Variants in SYT16 observed in about 807,000 individuals in gnomAD.
SYT16 encodes synaptotagmin-16.
SYT16 carries 42 observed loss-of-function variants against 61.4 expected under a neutral mutation model. That is an observed-to-expected ratio of 0.68 (90% CI 0.53 to 0.89). The LOEUF (loss-of-function observed/expected upper bound fraction) is 0.89, where lower values mean the gene tolerates loss of function less well. Ranked by LOEUF, SYT16 falls within the 40% of genes least tolerant of loss-of-function variation. The pLI, the probability that SYT16 is intolerant of heterozygous loss-of-function variation, is 0.00. For synonymous variants in SYT16, 314 were observed against 302.3 expected, an observed-to-expected ratio of 1.04 and a Z score of -0.40; for missense variants, 804 against 807.3, an observed-to-expected ratio of 1.00 and a Z score of 0.05.
chr14:61,881,043 A>G (rs767464721), intron 1 of SYT16, among the ~76,000 whole-genome samples: 19 of 152,142 alleles, frequency 1.2e-4, no homozygotes, highest in Non-Finnish European at 2.5e-4. Context: ...ACAGAACATT[A>G]TTTGCATCCA....
chr14:61,925,587 A>T (rs1205316910), intron 1 of SYT16, among the ~76,000 whole-genome samples: 1 of 152,168 alleles, frequency 6.6e-6, no homozygotes, highest in Non-Finnish European at 1.5e-5. Flanking sequence ...CTTCTCTAAG[A>T]TTTTTAGAAA....
At chr14:62,071,700 G>T (rs1250291672) in intron 4 of SYT16, among the ~76,000 whole-genome samples, 1 of 152,106 alleles carries the variant, frequency 6.6e-6, no homozygotes, top group Non-Finnish European at 1.5e-5. Flanking sequence ...CTCCAGAGAG[G>T]AATTTTTTGG....
intron 1 of SYT16, among the ~76,000 whole-genome samples, chr14:61,866,596 T>C (rs2047162641): frequency 6.6e-6 from 1 of 152,144 alleles, no homozygotes; most frequent in Non-Finnish European, 1.5e-5. Flanking sequence ...TTCAAATCTT[T>C]TGTTCATTTA....
chr14:61,931,833 G>A (rs1405849815), intron 1 of SYT16, among the ~76,000 whole-genome samples: 2 of 152,020 alleles, frequency 1.3e-5, no homozygotes, highest in East Asian at 1.9e-4. Flanking sequence ...CATGTGCCAC[G>A]TTGGTGTGCT....
intron 2 of SYT16, among the ~76,000 whole-genome samples, chr14:61,992,644 TG>T (rs1396327876): frequency 7.2e-5 from 11 of 152,242 alleles, no homozygotes; most frequent in African/African-American, 2.6e-4. Flanking sequence ...TTATTATTAT[TG>T]TTTTTTTGAG....
intron 3 of SYT16, among the ~76,000 whole-genome samples, chr14:62,048,045 G>A (rs2055078429): frequency 1.3e-5 from 2 of 152,226 alleles, no homozygotes; most frequent in African/African-American, 4.8e-5. Context: ...AGTTTCAGAA[G>A]GAATGGTACC....
chr14:61,875,254 A>G (rs56222412), intron 1 of SYT16, among the ~76,000 whole-genome samples: 3,757 of 152,236 alleles, frequency 0.025, 158 homozygotes, highest in African/African-American at 0.081. Context: ...GAATATTCTT[A>G]TACAAAAAGG....
At chr14:61,818,677 C>CAA (rs61559295) in intron 1 of SYT16, among the ~76,000 whole-genome samples, 1,044 of 74,288 alleles carry the variant, frequency 0.014, 8 homozygotes, top group Middle Eastern at 0.062. Context: ...GACTCTGTCT[C>CAA]AAAAAAAAAA....
At chr14:62,003,452 A>G (rs925144999) in intron 3 of SYT16, among the ~76,000 whole-genome samples, 2 of 151,820 alleles carry the variant, frequency 1.3e-5, no homozygotes, top group African/African-American at 4.8e-5. Context: ...GTATGAATCT[A>G]GTATCTGCCC....
intron 1 of SYT16, among the ~76,000 whole-genome samples, chr14:61,878,899 C>A (rs188255070): frequency 6.6e-6 from 1 of 151,932 alleles, no homozygotes; most frequent in Non-Finnish European, 1.5e-5. Flanking sequence ...GCATTCTAGG[C>A]GCTATTAGGG....
intron 3 of SYT16, among the ~76,000 whole-genome samples, chr14:62,020,563 C>T (rs185998865): frequency 9.8e-5 from 15 of 152,288 alleles, no homozygotes; most frequent in East Asian, 1.9e-4. Flanking sequence ...CAAAAGGTAA[C>T]GGAGATTCCC....
At chr14:61,853,770 G>A (rs560977650) in intron 1 of SYT16, among the ~76,000 whole-genome samples, 33 of 152,216 alleles carry the variant, frequency 2.2e-4, no homozygotes, top group African/African-American at 7.5e-4. Context: ...GATAGGAAAC[G>A]GATGGGTTTT....
chr14:61,982,263 G>A (rs1220191413), intron 2 of SYT16, among the ~76,000 whole-genome samples: 1 of 152,068 alleles, frequency 6.6e-6, no homozygotes, highest in Non-Finnish European at 1.5e-5. Context: ...CAGTCTTGCA[G>A]CATGGGTGTA....
chr14:62,080,702 A>G (rs1566829092), intron 5 of SYT16, 132 bp from the exon 6 acceptor site: 1 of 877,100 alleles, frequency 1.1e-6, no homozygotes, highest in Non-Finnish European at 1.8e-6. Flanking sequence ...AAACAGACCT[A>G]TCTGATATAG....
chr14:61,844,223 TG>T lies in SYT16; in HGVS notation c.-325+31414del, dbSNP rs961902775. ...GTTGTCATGTAGAAATGCTGATTTT[TG>T]TATGTTGATTTTGTATCCTGCAACT... On this transcript the variant is annotated intron_variant, in intron 1 of 7. Transcript: ENST00000683842. Among the ~76,000 whole-genome samples the T allele has an allele frequency of 2.6e-5, 4 of 152,192 alleles. No homozygotes were observed. In the East Asian group the frequency reaches 5.8e-4, roughly 22 times the overall value.
intron 1 of SYT16, among the ~76,000 whole-genome samples, chr14:61,823,329 C>T (rs115331934): frequency 0.014 from 2,135 of 152,060 alleles, 52 homozygotes; most frequent in African/African-American, 0.049. Context: ...GAGACAGAGT[C>T]TTACTCTGTT....
intron 3 of SYT16, among the ~76,000 whole-genome samples, chr14:62,051,019 T>A (rs970525069): frequency 6.6e-6 from 1 of 152,198 alleles, no homozygotes; most frequent in Non-Finnish European, 1.5e-5. Flanking sequence ...GACATTTACG[T>A]CTGTAGAGGT....
chr14:61,982,902 G>A (rs1347574804), intron 2 of SYT16, among the ~76,000 whole-genome samples: 1 of 152,166 alleles, frequency 6.6e-6, no homozygotes, highest in African/African-American at 2.4e-5. Context: ...GATACATCCT[G>A]TCTGGAGGAT....
chr14:62,086,316 A>G (rs977034947), intron 7 of SYT16, among the ~76,000 whole-genome samples: 1 of 152,142 alleles, frequency 6.6e-6, no homozygotes, highest in Non-Finnish European at 1.5e-5. Flanking sequence ...CCAGCTCTAC[A>G]GAAAATAATA....
Sources: allele counts gnomAD v4.1 joint callset (sites outside exome capture counted in the v4.1 genomes callset), GRCh38; gene constraint gnomAD v4.1.1; transcripts MANE v1.5; gene names NCBI Gene and HGNC (gene_info 2026-07-23, HGNC 2026-07-21).